The following CCDC146 variants were observed in gnomAD, a reference collection of about 807,000 sequenced individuals.
CCDC146 encodes coiled-coil domain-containing protein 146.
CCDC146 carries 92 observed loss-of-function variants against 119.3 expected under a neutral mutation model. The observed-to-expected ratio is 0.77, with a 90% confidence interval of 0.65 to 0.92. The LOEUF (loss-of-function observed/expected upper bound fraction) is 0.92. Among genes scored for constraint, CCDC146 ranks in the 40% least tolerant of loss-of-function variants. CCDC146 has a pLI of 0.00. For missense variants in CCDC146, 1,000 were observed against 1,103.0 expected, an observed-to-expected ratio of 0.91 and a Z score of 1.32; for synonymous variants, 372 against 371.8, an observed-to-expected ratio of 1.00 and a Z score of -0.01.
Position 77,174,628 on chromosome 7 carries a change from T to A in CCDC146, c.156+6804T>A, listed in dbSNP as rs554009320. On this transcript the variant is annotated intron_variant, in intron 2 of 18. Coordinates refer to ENST00000285871, the MANE Select transcript of CCDC146 (RefSeq NM_020879.3). Reference sequence around the variant, plus strand: ...AGTAAACTAACATGGCACACTGGTGTCTAATGGGGGAGGTGCTTCTGCCTC... The same window carrying A: ...AGTAAACTAACATGGCACACTGGTGACTAATGGGGGAGGTGCTTCTGCCTC... 2.9e-4 allele frequency among the ~76,000 whole-genome samples: 44 copies of A among 152,240 alleles called. 1 individual carries two copies. The highest frequency in any genetic ancestry group is 2.9e-3 in the Admixed American group (44 of 15,286).
chr7:77,275,367 T>C (rs1793614211), intron 11 of CCDC146, among the ~76,000 whole-genome samples: 1 of 152,174 alleles, frequency 6.6e-6, no homozygotes. Flanking sequence ...CCAGTGACTA[T>C]AAATCTTCCC....
chr7:77,176,701 T>C (rs1228013133), intron 2 of CCDC146, among the ~76,000 whole-genome samples: 1 of 152,194 alleles, frequency 6.6e-6, no homozygotes, highest in Non-Finnish European at 1.5e-5. Context: ...TAAAGAAAGA[T>C]GCTGCCATTA....
chr7:77,164,307 A>G, intron 1 of CCDC146, among the ~76,000 whole-genome samples: 1 of 152,200 alleles, frequency 6.6e-6, no homozygotes. Context: ...ACAAATTTAA[A>G]TATATAGCCA....
chr7:77,240,980 T>G (rs899039842), intron 3 of CCDC146, among the ~76,000 whole-genome samples: 12 of 150,000 alleles, frequency 8.0e-5, no homozygotes, highest in African/African-American at 2.5e-4. Context: ...TTGTTTTTTT[T>G]TGTTTGTTTG....
intron 9 of CCDC146, among the ~76,000 whole-genome samples, chr7:77,269,261 G>T (rs1736236293): frequency 6.6e-6 from 1 of 151,244 alleles, no homozygotes; most frequent in South Asian, 2.1e-4. Flanking sequence ...ATATTTCCTT[G>T]TGCTCTCTTT....
intron 4 of CCDC146, among the ~76,000 whole-genome samples, chr7:77,246,053 CACCCA>C (rs1380231685): frequency 1.3e-5 from 2 of 152,006 alleles, no homozygotes; most frequent in East Asian, 3.9e-4. Context: ...CCACCGCCCC[CACCCA>C]AAGTGACATT....
At chr7:77,275,759 A>G (rs371351732) in intron 11 of CCDC146, among the ~76,000 whole-genome samples, 39 of 152,246 alleles carry the variant, frequency 2.6e-4, no homozygotes, top group Admixed American at 6.5e-4. Context: ...TCCCCCCTAA[A>G]ATCAACAATA....
At chr7:77,214,825 G>T (rs972567528) in intron 2 of CCDC146, among the ~76,000 whole-genome samples, 1 of 151,984 alleles carries the variant, frequency 6.6e-6, no homozygotes, top group African/African-American at 2.4e-5. Flanking sequence ...TGCTATTTTG[G>T]TTACTACAGC....
chr7:77,177,663 T>C (rs1203701608), intron 2 of CCDC146, among the ~76,000 whole-genome samples: 5 of 152,202 alleles, frequency 3.3e-5, no homozygotes, highest in Admixed American at 3.3e-4. Context: ...ATATTTCTAG[T>C]ATGTTTCCCC....
At chr7:77,273,017 C>T (rs190297000) in intron 9 of CCDC146, among the ~76,000 whole-genome samples, 1 of 152,256 alleles carries the variant, frequency 6.6e-6, no homozygotes, top group East Asian at 1.9e-4. Flanking sequence ...AATGTACTCA[C>T]ATTTTATAAT....
intron 2 of CCDC146, among the ~76,000 whole-genome samples, chr7:77,170,616 G>A (rs1456270696): frequency 6.6e-6 from 1 of 152,168 alleles, no homozygotes; most frequent in Non-Finnish European, 1.5e-5. Context: ...ACTATCAACA[G>A]AGTAAAAAGA....
At chr7:77,211,686 G>A (rs891448974) in intron 2 of CCDC146, among the ~76,000 whole-genome samples, 19 of 152,050 alleles carry the variant, frequency 1.2e-4, no homozygotes, top group African/African-American at 4.6e-4. Context: ...CGTGATCTCA[G>A]CTCACTGTAA....
At chr7:77,172,116 A>AT (rs1294538526) in intron 2 of CCDC146, among the ~76,000 whole-genome samples, 1 of 152,222 alleles carries the variant, frequency 6.6e-6, no homozygotes, top group Non-Finnish European at 1.5e-5. Flanking sequence ...CAAAACAGTG[A>AT]TAAATTGCAA....
intron 9 of CCDC146, among the ~76,000 whole-genome samples, chr7:77,265,310 T>G (rs1793380180): frequency 6.6e-6 from 1 of 152,248 alleles, no homozygotes. Flanking sequence ...ATCAAATAAC[T>G]GTTCAGTAAG....
At chr7:77,190,952 G>A (rs994733765) in intron 2 of CCDC146, among the ~76,000 whole-genome samples, 2 of 151,906 alleles carry the variant, frequency 1.3e-5, no homozygotes, top group Non-Finnish European at 2.9e-5. Flanking sequence ...AATTCAGTAG[G>A]GTGGAACAAT....
intron 7 of CCDC146, chr7:77,259,356 G>A: frequency 3.6e-6 from 1 of 280,500 alleles, no homozygotes; most frequent in Non-Finnish European, 6.7e-6. Context: ...GCGGTGCATG[G>A]GATAAATTAT....
chr7:77,291,361 G>T (rs1310109135), intron 17 of CCDC146, among the ~76,000 whole-genome samples: 1 of 151,156 alleles, frequency 6.6e-6, no homozygotes, highest in Non-Finnish European at 1.5e-5. Context: ...TTTCCAGTTA[G>T]TCTTATCTTT....
intron 2 of CCDC146, chr7:77,199,198 T>G (rs756596183): frequency 6.2e-7 from 1 of 1,613,784 alleles, no homozygotes; most frequent in Non-Finnish European, 8.5e-7. Context: ...TGACTGTATT[T>G]GTTCTTGGCT....
intron 2 of CCDC146, chr7:77,194,564 A>T (rs1791829842): frequency 6.6e-6 from 1 of 152,106 alleles, no homozygotes; most frequent in Non-Finnish European, 1.5e-5. Flanking sequence ...TTGACTAAAT[A>T]GTTCTGTAAG....
Sources: gnomAD v4.1 joint callset for allele counts (sites outside exome capture counted in the v4.1 genomes callset) on GRCh38, gnomAD v4.1.1 for gene constraint, MANE v1.5 for transcripts, NCBI Gene and HGNC (gene_info 2026-07-23, HGNC 2026-07-21) for gene names.